GFOD1: variants seen among roughly 807,000 people sequenced by gnomAD.
GFOD1 encodes glucose-fructose oxidoreductase domain-containing protein 1.
In GFOD1, 9 loss-of-function variants were observed where a neutral mutation model predicts 25.4. The ratio of observed to expected loss-of-function variants is 0.35; its 90% CI spans 0.21 to 0.62. GFOD1 has a LOEUF of 0.62. GFOD1 is among the 20% of genes least tolerant of loss of function. GFOD1 has a pLI of 0.72. For missense variants in GFOD1, 403 were observed against 556.9 expected, an observed-to-expected ratio of 0.72 and a Z score of 2.78; for synonymous variants, 253 against 245.6, an observed-to-expected ratio of 1.03 and a Z score of -0.28.
chr6:13,387,777 C>T (rs529084119), intron 1 of GFOD1, among the ~76,000 whole-genome samples: 1 of 152,132 alleles, frequency 6.6e-6, no homozygotes, highest in African/African-American at 2.4e-5. Context: ...GGGCATCAGG[C>T]AAGAAAAAGA....
intron 1 of GFOD1, among the ~76,000 whole-genome samples, chr6:13,460,922 A>G (rs1215178302): frequency 6.6e-6 from 1 of 152,162 alleles, no homozygotes; most frequent in Non-Finnish European, 1.5e-5. Context: ...AGAGTTTGCC[A>G]ATTTTTGCCC....
intron 1 of GFOD1, among the ~76,000 whole-genome samples, chr6:13,416,807 C>G (rs1786170866): frequency 6.6e-6 from 1 of 152,142 alleles, no homozygotes; most frequent in African/African-American, 2.4e-5. Context: ...AAAAATTGTG[C>G]ATGCATTATT....
In GFOD1 at chr6:13,365,526, G is replaced by A. The variant is rs1785026857; in HGVS notation, c.390C>T (p.Arg130=). 1 of 1,612,574 alleles carries A rather than the reference G, an allele frequency of 6.2e-7. No homozygotes were observed. Among genetic ancestry groups the A allele is most frequent in the Non-Finnish European group, 8.5e-7 (1 of 1,179,986 alleles). The change falls in exon 2 of 2, where the codon CGC becomes CGT. Residue 130 remains arginine, a synonymous_variant. Transcript: ENST00000379287. This position sits in a 1 kb window ranked among gnomAD's most constrained non-coding sequence, Gnocchi z 9.2. ...NVLRFLPAFV[R]MKQLIEEGYV... The stretch of plus-strand genomic sequence containing the variant: ...AGCCCTCCTCGATCAGCTGCTTCAT[G>A]CGCACGAAAGCCGGCAGGAAGCGCA...
intron 1 of GFOD1, among the ~76,000 whole-genome samples, chr6:13,469,094 G>A (rs748772638): frequency 2.3e-4 from 35 of 152,282 alleles, no homozygotes; most frequent in Admixed American, 6.5e-4. Flanking sequence ...TGCTCTTGGG[G>A]ACTTCCCAGA....
rs1054795745 is a variant in GFOD1, at chr6:13,361,741, G to C, written c.*3002C>G. ...ACTATCCAGTTCTTTTCTTTCTCTT[G>C]TTCCTTCACCTACCTACTACATGCA... On this transcript the variant is annotated 3_prime_UTR_variant, in exon 2 of 2. Transcript: ENST00000379287. 6.6e-6 allele frequency: 1 copy of C among 152,052 alleles called. No homozygotes were observed. The highest frequency in any genetic ancestry group is 1.5e-5 in the Non-Finnish European group (1 of 68,006). The allele number at this position is 152,052 out of a possible 1,614,324, so 9.4% of individuals were successfully genotyped here.
chr6:13,478,119 T>C (rs1758668701), intron 1 of GFOD1, among the ~76,000 whole-genome samples: 1 of 151,808 alleles, frequency 6.6e-6, no homozygotes, highest in Non-Finnish European at 1.5e-5. Flanking sequence ...TCAAGAAATG[T>C]CTACATTTGG....
chr6:13,459,701 A>C (rs866827802), intron 1 of GFOD1, among the ~76,000 whole-genome samples: 1 of 152,256 alleles, frequency 6.6e-6, no homozygotes, highest in Non-Finnish European at 1.5e-5. Flanking sequence ...ACATAAACAG[A>C]CACTTCTCAA....
In GFOD1 at chr6:13,365,262, A is replaced by G; in HGVS notation, c.654T>C (p.Asp218=). ...HIKGIRQITS[D]DFCTFQMVLE... The stretch of plus-strand genomic sequence containing the variant: ...GCACCATCTGGAAGGTGCAGAAGTC[A>G]TCGCTGGTGATCTGTCGGATGCCCT... Residue 218 remains aspartate (D), a synonymous_variant, in exon 2 of 2, where the codon GAT becomes GAC. Transcript: ENST00000379287. The surrounding 1 kb of genome is among the most constrained non-coding windows in gnomAD (Gnocchi z 9.2). The G allele has an allele frequency of 2.5e-6, 4 of 1,614,188 alleles. No individual in the cohort carries two copies. Among genetic ancestry groups the G allele is most frequent in the Non-Finnish European group, 3.4e-6 (4 of 1,180,018 alleles).
At chr6:13,366,961 A>G (rs949136852) in intron 1 of GFOD1, among the ~76,000 whole-genome samples, 6 of 151,934 alleles carry the variant, frequency 3.9e-5, no homozygotes, top group Non-Finnish European at 8.8e-5. Flanking sequence ...TAACATTTTA[A>G]ACAGAAATAG....
intron 1 of GFOD1, among the ~76,000 whole-genome samples, chr6:13,455,443 A>C (rs1208198009): frequency 6.6e-6 from 1 of 152,182 alleles, no homozygotes; most frequent in Non-Finnish European, 1.5e-5. Context: ...ATTGGTTTGA[A>C]TTGAATTATA....
At chr6:13,482,458 C>T (rs938201391) in intron 1 of GFOD1, among the ~76,000 whole-genome samples, 2 of 151,788 alleles carry the variant, frequency 1.3e-5, no homozygotes, top group South Asian at 2.1e-4. Context: ...TTTAAAATTC[C>T]CACACAGGCC....
chr6:13,470,414 T>A, intron 1 of GFOD1: 28 of 1,549,700 alleles, frequency 1.8e-5, no homozygotes, highest in Non-Finnish European at 2.4e-5. Context: ...GTGCCCTGGA[T>A]GTGAACGGCT....
intron 1 of GFOD1, chr6:13,486,246 A>AT (rs1491102275): frequency 1.2e-4 from 19 of 163,682 alleles, no homozygotes; most frequent in Non-Finnish European, 1.4e-4. Context: ...CCACCCCCCC[A>AT]TCCCCCCCCC....
chr6:13,431,382 T>C (rs1285656110), intron 1 of GFOD1, among the ~76,000 whole-genome samples: 1 of 152,250 alleles, frequency 6.6e-6, no homozygotes, highest in Non-Finnish European at 1.5e-5. Flanking sequence ...TCCTATTCTT[T>C]CTACTCTACC....
chr6:13,478,441 A>G (rs1758676538), intron 1 of GFOD1, among the ~76,000 whole-genome samples: 1 of 152,236 alleles, frequency 6.6e-6, no homozygotes. Flanking sequence ...CCCAGCCGAA[A>G]TGTCCATATT....
At chr6:13,390,199 G>A (rs961993538) in intron 1 of GFOD1, among the ~76,000 whole-genome samples, 3 of 152,180 alleles carry the variant, frequency 2.0e-5, no homozygotes, top group South Asian at 2.1e-4. Flanking sequence ...ATATTTTCCT[G>A]TGGAATATTG....
intron 1 of GFOD1, among the ~76,000 whole-genome samples, chr6:13,468,984 C>T (rs1449062475): frequency 6.6e-6 from 1 of 152,230 alleles, no homozygotes; most frequent in Non-Finnish European, 1.5e-5. Flanking sequence ...CTTGCTACTG[C>T]TGTCTGAATC....
chr6:13,432,713 G>C (rs541950359), intron 1 of GFOD1, among the ~76,000 whole-genome samples: 1 of 152,252 alleles, frequency 6.6e-6, no homozygotes, highest in Admixed American at 6.5e-5. Context: ...TGAGGTTCCA[G>C]CCTGTGGCCT....
At chr6:13,407,084 G>A (rs1584633137) in intron 1 of GFOD1, among the ~76,000 whole-genome samples, 2 of 152,116 alleles carry the variant, frequency 1.3e-5, no homozygotes, top group African/African-American at 4.8e-5. Flanking sequence ...CTTTTCCTGT[G>A]TGACAAGCAT....
Sources: allele counts gnomAD v4.1 joint callset (sites outside exome capture counted in the v4.1 genomes callset), GRCh38; gene constraint gnomAD v4.1.1; non-coding constraint Gnocchi (gnomAD v3.1); transcripts MANE v1.5; gene names NCBI Gene and HGNC (gene_info 2026-07-23, HGNC 2026-07-21).